The following LNPEP variants were observed in gnomAD, a reference collection of about 807,000 sequenced individuals.
LNPEP encodes the protein leucyl and cystinyl aminopeptidase.
LNPEP carries 64 observed loss-of-function variants against 120.6 expected under a neutral mutation model. The ratio of observed to expected loss-of-function variants is 0.53; its 90% CI spans 0.43 to 0.65. LNPEP has a LOEUF of 0.65. Ranked by LOEUF, LNPEP falls within the 30% of genes least tolerant of loss-of-function variation. LNPEP has a pLI of 0.00. For synonymous variants in LNPEP, 435 were observed against 425.4 expected, an observed-to-expected ratio of 1.02 and a Z score of -0.28; for missense variants, 1,057 against 1,200.0, an observed-to-expected ratio of 0.88 and a Z score of 1.76.
In LNPEP at chr5:96,954,713, CATATATAT is replaced by C. The variant is rs1474883610; in HGVS notation, c.19+18541_19+18548del. 5.3e-5 allele frequency among the ~76,000 whole-genome samples: 3 copies of C among 56,990 alleles called. 1 individual carries two copies. Among genetic ancestry groups the C allele is most frequent in the Non-Finnish European group, 1.0e-4 (3 of 29,280 alleles). 37.4% of individuals were successfully genotyped at this position (56,990 alleles called of 152,430 possible). On this transcript the variant is annotated intron_variant, in intron 1 of 17. Transcript: ENST00000231368. ...ATATACACATATATACATATATACA[CATATATAT>C]ACATATATATATACATATATATATA...
At chr5:96,955,160 C>T (rs1046210630) in intron 1 of LNPEP, among the ~76,000 whole-genome samples, 5 of 151,904 alleles carry the variant, frequency 3.3e-5, no homozygotes, top group Non-Finnish European at 5.9e-5. Flanking sequence ...ATTTTGGCAA[C>T]CACTGATATG....
At chr5:97,003,874 T>C (rs1790715017) in intron 9 of LNPEP, among the ~76,000 whole-genome samples, 1 of 152,158 alleles carries the variant, frequency 6.6e-6, no homozygotes, top group Admixed American at 6.5e-5. Flanking sequence ...ATTTTCATTA[T>C]TTGACTTTTT....
intron 8 of LNPEP, among the ~76,000 whole-genome samples, chr5:96,998,554 G>T (rs150406794): frequency 1.2e-3 from 179 of 152,262 alleles, no homozygotes; most frequent in African/African-American, 4.0e-3. Flanking sequence ...TTGAAGATTC[G>T]ATTTTAGAAT....
chr5:97,026,751 T>C lies in LNPEP; in HGVS notation c.2858T>C (p.Val953Ala), dbSNP rs1208662941. 2.5e-6 allele frequency: 4 copies of C among 1,611,344 alleles called. No homozygotes were observed. The highest frequency in any genetic ancestry group is 1.3e-5 in the African/African-American group (1 of 74,832). ...GTCAAAGAGAACTGGAATAAGCTTG[T>C]ACAGAAGTAAGTTTCTCAGAGAATT... ...DFVKENWNKL[V>A]QKFPLGSYTI... The change falls in exon 16 of 18, where the codon GTA becomes GCA. Residue 953 changes from valine to alanine, a missense_variant. Val to Ala is a moderately conservative substitution (Grantham distance 64, BLOSUM62 0). Coordinates refer to ENST00000231368, the MANE Select transcript of LNPEP (RefSeq NM_005575.3).
rs147984651 is a variant in LNPEP, at chr5:96,974,599, T to C, written c.20-4539T>C. Among the ~76,000 whole-genome samples, 556 of 152,294 alleles carry C rather than the reference T, an allele frequency of 3.7e-3. 2 individuals carry two copies. Among genetic ancestry groups the C allele is most frequent in the Non-Finnish European group, 5.0e-3 (341 of 68,018 alleles). Reference sequence around the variant, plus strand: ...GTCTATACCACATTTTCCTTTAGTTTATCCCTATGTTTTTTCCTTGATAAA... The same window carrying C: ...GTCTATACCACATTTTCCTTTAGTTCATCCCTATGTTTTTTCCTTGATAAA... On this transcript the variant is annotated intron_variant, in intron 1 of 17. Transcript: ENST00000231368.
intron 9 of LNPEP, among the ~76,000 whole-genome samples, 173 bp from the exon 10 acceptor site, chr5:97,005,900 A>T (rs991681929): frequency 6.6e-6 from 1 of 152,092 alleles, no homozygotes; most frequent in Non-Finnish European, 1.5e-5. Context: ...ATTTACCTAG[A>T]TTAGAAGTGT....
intron 1 of LNPEP, among the ~76,000 whole-genome samples, chr5:96,954,625 T>TAC (rs1789399034): frequency 1.6e-5 from 2 of 121,386 alleles, no homozygotes; most frequent in South Asian, 2.9e-4. Context: ...TCTCTATATA[T>TAC]ATATATACAT....
In LNPEP at chr5:96,998,137, T is replaced by C. The variant is rs1263435147; in HGVS notation, c.1645T>C (p.Tyr549His). Residue 549 changes from tyrosine to histidine, a missense_variant, in exon 8 of 18, where the codon TAT becomes CAT. Tyr to His is a moderately conservative substitution (Grantham distance 83, BLOSUM62 2). Transcript: ENST00000231368. Reference sequence around the variant, plus strand: ...TGAAGAAATGTTTGATTCTCTTTCCTATTTTAAGGTATTGCTGTGAACAAA... The same window carrying C: ...TGAAGAAATGTTTGATTCTCTTTCCCATTTTAAGGTATTGCTGTGAACAAA... ...QIEEMFDSLS[Y>H]FKGSSLLLML... 1.3e-6 allele frequency: 2 copies of C among 1,596,986 alleles called. No homozygotes were observed. Among genetic ancestry groups the C allele is most frequent in the Admixed American group, 1.8e-5 (1 of 56,916 alleles).
intron 8 of LNPEP, among the ~76,000 whole-genome samples, chr5:97,001,098 A>G (rs538664464): frequency 6.6e-6 from 1 of 152,322 alleles, no homozygotes; most frequent in East Asian, 1.9e-4. Flanking sequence ...AAGTACCGTG[A>G]TATGGCTTAT....
intron 1 of LNPEP, among the ~76,000 whole-genome samples, chr5:96,965,128 G>A (rs1789697101): frequency 6.6e-6 from 1 of 151,996 alleles, no homozygotes; most frequent in Non-Finnish European, 1.5e-5. Flanking sequence ...GTAAATTATT[G>A]TTAATGGGTA....
Position 97,024,517 on chromosome 5 carries a change from A to T in LNPEP, c.2562-4A>T, listed in dbSNP as rs1029957057. The T allele has an allele frequency of 6.2e-7, 1 of 1,612,668 alleles. No homozygotes were observed. Among genetic ancestry groups the T allele is most frequent in the Non-Finnish European group, 8.5e-7 (1 of 1,179,430 alleles). On this transcript the variant is annotated splice_polypyrimidine_tract_variant and splice_region_variant and intron_variant, in intron 14 of 17. Transcript: ENST00000231368. ...ATTCTCATGTTTGACCACCTCTCTT[A>T]CAGCCTACCTACTGATGTCATGACA...
At chr5:97,020,074 G>A (rs1410077521) in intron 13 of LNPEP, among the ~76,000 whole-genome samples, 77 of 152,188 alleles carry the variant, frequency 5.1e-4, no homozygotes, top group Admixed American at 5.0e-3. Context: ...ACAAACACAA[G>A]CGAGTTGACA....
chr5:97,035,958 A>G lies in LNPEP; in HGVS notation c.*7425A>G, dbSNP rs1791565934. On this transcript the variant is annotated 3_prime_UTR_variant, in exon 18 of 18. Transcript: ENST00000231368. ...TAAATTCTAGAAAGGCAAGAGGACA[A>G]TATTGAATAAAGCTGTGTTTAAACT... 6.6e-6 allele frequency: 1 copy of G among 152,210 alleles called. No homozygotes were observed. Among genetic ancestry groups the G allele is most frequent in the Non-Finnish European group, 1.5e-5 (1 of 68,024 alleles). The allele number at this position is 152,210 out of a possible 1,614,324, so 9.4% of individuals were successfully genotyped here. A position where few individuals can be genotyped will look rare whatever the true frequency, so the allele number is the denominator to read the frequency against.
intron 1 of LNPEP, among the ~76,000 whole-genome samples, chr5:96,961,442 T>C (rs997123387): frequency 6.6e-6 from 1 of 152,328 alleles, no homozygotes; most frequent in African/African-American, 2.4e-5. Context: ...TGAGTATCTT[T>C]GGACAGAAGC....
At chr5:96,984,938 T>C (rs79424541) in intron 2 of LNPEP, 142 bp from the exon 3 acceptor site, 35,533 of 786,846 alleles carry the variant, frequency 0.045, 1,039 homozygotes, top group Middle Eastern at 0.095. Context: ...TTTCTGTTCA[T>C]TGTATAAACC....
In LNPEP at chr5:97,031,445, T is replaced by G. The variant is rs748979499; in HGVS notation, c.*2912T>G. 4 of 152,180 alleles carry G rather than the reference T, an allele frequency of 2.6e-5. No homozygotes were observed. Among genetic ancestry groups the G allele is most frequent in the Admixed American group, 6.5e-5 (1 of 15,272 alleles). The allele number at this position is 152,180 out of a possible 1,614,324, so 9.4% of individuals were successfully genotyped here. A position where few individuals can be genotyped will look rare whatever the true frequency, so the allele number is the denominator to read the frequency against. ...TTACTATCACAGGTTCTACTTTAAT[T>G]TTCCTTGCCATATGTGTTTCCATTT... On this transcript the variant is annotated 3_prime_UTR_variant, in exon 18 of 18. Transcript: ENST00000231368.
chr5:96,991,323 G>C (rs936449268), intron 4 of LNPEP, among the ~76,000 whole-genome samples: 1 of 152,106 alleles, frequency 6.6e-6, no homozygotes, highest in South Asian at 2.1e-4. Flanking sequence ...ATCAATCCCA[G>C]TAGTGGGACT....
rs1390645063 is a variant in LNPEP, at chr5:97,022,365, A to G, written c.2442A>G (p.Pro814=). ...AAACTTGGACTGATGAGGGCACTCC[A>G]TCTATGCGAGAGCTTCGGTCAGCCC... is the stretch of plus-strand genomic sequence containing the variant. ...QQQTWTDEGT[P]SMRELRSALL... The change falls in exon 14 of 18, where the codon CCA becomes CCG. Residue 814 remains proline, a synonymous_variant. Coordinates refer to ENST00000231368, the MANE Select transcript of LNPEP (RefSeq NM_005575.3). The G allele has an allele frequency of 1.2e-6, 2 of 1,613,926 alleles. No individual in the cohort carries two copies. The highest frequency in any genetic ancestry group is 1.7e-6 in the Non-Finnish European group (2 of 1,179,838).
chr5:96,936,340 T>G, intron 1 of LNPEP, 166 bp downstream of exon 1: 28 of 184,412 alleles, frequency 1.5e-4, no homozygotes, highest in East Asian at 2.9e-4. Flanking sequence ...GCAGGGAGGT[T>G]CGGGGGGCGG....
Sources: gnomAD v4.1 joint callset for allele counts (sites outside exome capture counted in the v4.1 genomes callset) on GRCh38, gnomAD v4.1.1 for gene constraint, MANE v1.5 for transcripts, NCBI Gene and HGNC (gene_info 2026-07-23, HGNC 2026-07-21) for gene names.